The following IQCH variants were observed in gnomAD, a reference collection of about 807,000 sequenced individuals.
IQCH encodes IQ motif containing H.
In IQCH, 98 loss-of-function variants were observed where a neutral mutation model predicts 117.0. That is an observed-to-expected ratio of 0.84 (90% CI 0.71 to 0.99). The LOEUF (loss-of-function observed/expected upper bound fraction) is 0.99. Among genes scored for constraint, IQCH ranks in the 50% least tolerant of loss-of-function variants. IQCH has a pLI of 0.00. For missense variants in IQCH, 1,102 were observed against 1,243.8 expected, an observed-to-expected ratio of 0.89 and a Z score of 1.72; for synonymous variants, 412 against 448.2, an observed-to-expected ratio of 0.92 and a Z score of 1.02.
rs892427285 is a variant in IQCH, at chr15:67,430,007, A to G, written c.2505+8430A>G. ...GGAAGAAGGGGCTGGTCCCTGGGAA[A>G]TGGAGATGGTGGAGCATGGTCTAAG... On this transcript the variant is annotated intron_variant, in intron 16 of 20. Transcript: ENST00000335894. The surrounding 1 kb of genome is among the most constrained non-coding windows in gnomAD (Gnocchi z 5.1). Among the ~76,000 whole-genome samples the G allele has an allele frequency of 6.6e-6, 1 of 152,148 alleles. No individual in the cohort carries two copies. Among genetic ancestry groups the G allele is most frequent in the African/African-American group, 2.4e-5 (1 of 41,430 alleles).
intron 4 of IQCH, among the ~76,000 whole-genome samples, chr15:67,314,575 T>G (rs567671485): frequency 3.3e-5 from 5 of 152,122 alleles, no homozygotes; most frequent in African/African-American, 1.2e-4. Context: ...GTAAAAACCC[T>G]TAGAAAATGT....
chr15:67,258,571 G>T (rs1368092681), intron 1 of IQCH, among the ~76,000 whole-genome samples: 1 of 151,650 alleles, frequency 6.6e-6, no homozygotes, highest in East Asian at 1.9e-4. Flanking sequence ...TAATTGAGGT[G>T]ATGAGAATGA....
chr15:67,405,516 G>A lies in IQCH; in HGVS notation c.2097+5211G>A, dbSNP rs1971861172. 6.6e-6 allele frequency: 1 copy of A among 152,172 alleles called. No homozygotes were observed. The highest frequency in any genetic ancestry group is 1.5e-5 in the Non-Finnish European group (1 of 68,034). 9.4% of individuals were successfully genotyped at this position (152,172 alleles called of 1,614,324 possible). On this transcript the variant is annotated intron_variant, in intron 14 of 20. Coordinates refer to ENST00000335894, the MANE Select transcript of IQCH (RefSeq NM_001031715.3). The surrounding 1 kb of genome is among the most constrained non-coding windows in gnomAD (Gnocchi z 4.8). The stretch of plus-strand genomic sequence containing the variant: ...TCTCATTTAAACTCAGAAAAACCCT[G>A]AGGTTTTTACTCATTTACTTCCACA...
chr15:67,395,300 A>T lies in IQCH; in HGVS notation c.1642A>T (p.Met548Leu), dbSNP rs1432387328. Reference sequence around the variant, plus strand: ...TATGATCTTCCCCCAGAAGCATCATATGTGCCTGGCCACTCACCTGATGTA... The same window carrying T: ...TATGATCTTCCCCCAGAAGCATCATTTGTGCCTGGCCACTCACCTGATGTA... ...EAVNIFPKHH[M>L]CLATHLMYSP... The change falls in exon 13 of 21, where the codon ATG (methionine) becomes TTG (leucine). Residue 548 changes from methionine (M) to leucine (L), a missense_variant. Met to Leu is a conservative substitution (Grantham distance 15). Transcript: ENST00000335894. This position sits in a 1 kb window ranked among gnomAD's most constrained non-coding sequence, Gnocchi z 4.0. The T allele has an allele frequency of 9.3e-6, 15 of 1,612,032 alleles. No individual in the cohort carries two copies. Among genetic ancestry groups the T allele is most frequent in the Non-Finnish European group, 1.3e-5 (15 of 1,178,464 alleles).
At chr15:67,361,996 G>A (rs1970151565) in intron 8 of IQCH, among the ~76,000 whole-genome samples, 1 of 151,896 alleles carries the variant, frequency 6.6e-6, no homozygotes, top group Non-Finnish European at 1.5e-5. Context: ...GATAAAACAA[G>A]CAAACAAACA....
intron 4 of IQCH, among the ~76,000 whole-genome samples, chr15:67,308,562 C>A (rs1396376653): frequency 1.3e-4 from 20 of 152,142 alleles, no homozygotes; most frequent in African/African-American, 2.4e-4. Context: ...CCACTCCTAT[C>A]ATTTAAAGTG....
At chr15:67,461,803 A>G (rs1374412264) in intron 16 of IQCH, among the ~76,000 whole-genome samples, 2 of 152,164 alleles carry the variant, frequency 1.3e-5, no homozygotes, top group African/African-American at 4.8e-5. Flanking sequence ...GCACAAACCT[A>G]CCTGCCTACT....
At chr15:67,316,777 A>T (rs1013309422) in intron 4 of IQCH, among the ~76,000 whole-genome samples, 2 of 152,206 alleles carry the variant, frequency 1.3e-5, no homozygotes, top group Admixed American at 1.3e-4. Flanking sequence ...AAGTCAAAGG[A>T]TCATAATTCA....
At chr15:67,280,374 C>G (rs1281857172) in intron 4 of IQCH, among the ~76,000 whole-genome samples, 2 of 152,170 alleles carry the variant, frequency 1.3e-5, no homozygotes, top group Non-Finnish European at 2.9e-5. Context: ...TAACAGAATA[C>G]CATAAACTGA....
chr15:67,304,431 A>G (rs998094157), intron 4 of IQCH: 7 of 1,524,662 alleles, frequency 4.6e-6, no homozygotes, highest in Non-Finnish European at 6.2e-6. Context: ...TCAGTTTGCC[A>G]TATATTAATC....
chr15:67,340,452 A>AAAAAAAAAAAAAAAAAAAAAAAAAAAAAC (rs1567110048), intron 5 of IQCH, among the ~76,000 whole-genome samples: 1 of 116,214 alleles, frequency 8.6e-6, no homozygotes, highest in South Asian at 3.4e-4. Context: ...AAAAAAAAAA[A>AAAAAAAAAAAAAAAAAAAAAAAAAAAAAC]AAAAAAAAAA....
chr15:67,500,219 C>CATAA lies in IQCH; in HGVS notation c.2971-412_2971-411insAAAT, dbSNP rs2083941931. ...ACCTTCCCATCAGCCTATTAGCCCT[C>CATAA]ATTTTAGGGTGACTAGACCAATGCT... On this transcript the variant is annotated intron_variant, in intron 20 of 20. Transcript: ENST00000335894. The surrounding 1 kb of genome is among the most constrained non-coding windows in gnomAD (Gnocchi z 4.4). Among the ~76,000 whole-genome samples the CATAA allele has an allele frequency of 6.6e-6, 1 of 152,114 alleles. No individual in the cohort carries two copies. The highest frequency in any genetic ancestry group is 1.5e-5 in the Non-Finnish European group (1 of 68,020).
chr15:67,482,102 G>A (rs1350194809), intron 18 of IQCH, among the ~76,000 whole-genome samples: 3 of 152,198 alleles, frequency 2.0e-5, no homozygotes, highest in South Asian at 2.1e-4. Flanking sequence ...ATCCACTTCA[G>A]ATGTGGCCCA....
chr15:67,472,863 A>G lies in IQCH; in HGVS notation c.2677-2833A>G, dbSNP rs919945395. On this transcript the variant is annotated intron_variant, in intron 17 of 20. Transcript: ENST00000335894. This position sits in a 1 kb window ranked among gnomAD's most constrained non-coding sequence, Gnocchi z 4.3. ...TCTTCCTTCAGATTCTTTATGCATC[A>G]CAAACCCCAGTCTGGGAGGAAGGGG... Among the ~76,000 whole-genome samples the G allele has an allele frequency of 1.1e-4, 16 of 152,162 alleles. No homozygotes were observed. The highest frequency in any genetic ancestry group is 3.6e-4 in the African/African-American group (15 of 41,434).
Position 67,421,569 on chromosome 15 carries a change from G to A in IQCH, c.2497G>A (p.Glu833Lys). ...LVTFIDPSTLEQQVWATGLNL... is the reference protein window; with the variant it reads ...LVTFIDPSTLKQQVWATGLNL... ...GACTTTTATAGATCCAAGCACCTTG[G>A]AACAACAGGTAAGTTGAATGGATGC... The change falls in exon 16 of 21, where the codon GAA becomes AAA. Residue 833 changes from glutamate (E) to lysine (K), a missense_variant. Coordinates refer to ENST00000335894, the MANE Select transcript of IQCH (RefSeq NM_001031715.3). 6.2e-7 allele frequency: 1 copy of A among 1,614,028 alleles called. No individual in the cohort carries two copies. Among genetic ancestry groups the A allele is most frequent in the African/African-American group, 1.3e-5 (1 of 75,004 alleles).
intron 20 of IQCH, among the ~76,000 whole-genome samples, chr15:67,497,956 G>A (rs2083868903): frequency 6.6e-6 from 1 of 152,176 alleles, no homozygotes; most frequent in South Asian, 2.1e-4. Context: ...TAGATTCAAT[G>A]TAATTCTTAT....
rs908801448 is a variant in IQCH, at chr15:67,494,808, A to G, written c.2970+442A>G. Among the ~76,000 whole-genome samples the G allele has an allele frequency of 2.0e-5, 3 of 152,192 alleles. No individual in the cohort carries two copies. The highest frequency in any genetic ancestry group is 7.2e-5 in the African/African-American group (3 of 41,460). ...AAGACCCGAGAAAGCAATGTGTGTT[A>G]GGGAGAAGCAGAAAATATAGCATGT... On this transcript the variant is annotated intron_variant, in intron 20 of 20. Transcript: ENST00000335894. This position sits in a 1 kb window ranked among gnomAD's most constrained non-coding sequence, Gnocchi z 5.5.
At position 67,491,377 on chromosome 15, in the gene IQCH, C is replaced by T. The variant is rs146619721; in HGVS notation, c.2861+1313C>T. Among the ~76,000 whole-genome samples, 71 of 152,250 alleles carry T rather than the reference C, an allele frequency of 4.7e-4. No homozygotes were observed. Among genetic ancestry groups the T allele is most frequent in the Middle Eastern group, 3.4e-3 (1 of 292 alleles). Reference sequence around the variant, plus strand: ...TCAATACAGTGATATTCACCCTCATCGATCCTTTTGAACTTAGGCAAATGT... The same window carrying T: ...TCAATACAGTGATATTCACCCTCATTGATCCTTTTGAACTTAGGCAAATGT... On this transcript the variant is annotated intron_variant, in intron 19 of 20. Transcript: ENST00000335894. The surrounding 1 kb of genome is among the most constrained non-coding windows in gnomAD (Gnocchi z 4.9).
At chr15:67,320,556 G>C (rs1227293257) in intron 4 of IQCH, among the ~76,000 whole-genome samples, 1 of 152,118 alleles carries the variant, frequency 6.6e-6, no homozygotes, top group Admixed American at 6.5e-5. Context: ...AATATAGTGA[G>C]AAAAAATAGC....
Sources: gnomAD v4.1 joint callset for allele counts (sites outside exome capture counted in the v4.1 genomes callset) on GRCh38, gnomAD v4.1.1 for gene constraint, Gnocchi (gnomAD v3.1) non-coding constraint, MANE v1.5 for transcripts, NCBI Gene and HGNC (gene_info 2026-07-23, HGNC 2026-07-21) for gene names.